The following GRID2 variants were observed in gnomAD, a reference collection of about 807,000 sequenced individuals.
GRID2 encodes glutamate ionotropic receptor delta type subunit 2.
GRID2 carries 33 observed loss-of-function variants against 114.8 expected under a neutral mutation model. That is an observed-to-expected ratio of 0.29 (90% CI 0.22 to 0.38). The LOEUF (loss-of-function observed/expected upper bound fraction) is 0.38, where lower values mean the gene tolerates loss of function less well. Ranked by LOEUF, GRID2 falls within the 10% of genes least tolerant of loss-of-function variation. The pLI is 1.00. For synonymous variants in GRID2, 505 were observed against 449.9 expected (o/e 1.12, Z -1.55); for missense variants, 1,184 against 1,257.7 (o/e 0.94, Z 0.89).
At position 92,664,472 on chromosome 4, in the gene GRID2, T is replaced by C. The variant is rs80053024; in HGVS notation, c.244+74186T>C. 5.5e-3 allele frequency among the ~76,000 whole-genome samples: 832 copies of C among 151,254 alleles called. 17 individuals carry two copies. The South Asian group carries it at 0.066, about 12-fold the overall frequency. ...TATGACTTCCATTTAAAAATATATA[T>C]ATATTGGGACTTAGGTCTCATGTGC... is the stretch of plus-strand genomic sequence containing the variant. On this transcript the variant is annotated intron_variant, in intron 2 of 15. Coordinates refer to ENST00000282020, the MANE Select transcript of GRID2 (RefSeq NM_001510.4).
intron 2 of GRID2, among the ~76,000 whole-genome samples, chr4:92,920,895 G>A (rs1457215639): frequency 6.6e-6 from 1 of 152,104 alleles, no homozygotes; most frequent in Admixed American, 6.5e-5. Context: ...ATGTTGGTCT[G>A]CCTTGCTAGA....
chr4:93,606,558 C>G (rs572662100), intron 13 of GRID2, among the ~76,000 whole-genome samples: 1 of 152,218 alleles, frequency 6.6e-6, no homozygotes, highest in East Asian at 1.9e-4. Context: ...TTTCAGAATC[C>G]ATATGCACAT....
intron 8 of GRID2, among the ~76,000 whole-genome samples, chr4:93,284,171 T>C (rs763061696): frequency 3.3e-5 from 5 of 152,114 alleles, no homozygotes; most frequent in Non-Finnish European, 7.4e-5. Context: ...TATACCTATA[T>C]AATGATAGCT....
intron 1 of GRID2, among the ~76,000 whole-genome samples, chr4:92,374,281 A>T (rs1729254144): frequency 6.6e-6 from 1 of 152,152 alleles, no homozygotes. Context: ...GGTCTCCATA[A>T]TCCTTTATCT....
chr4:92,474,890 C>G (rs1722217509), intron 1 of GRID2, among the ~76,000 whole-genome samples: 1 of 137,772 alleles, frequency 7.3e-6, no homozygotes, highest in Non-Finnish European at 1.5e-5. Context: ...AACCTCTTAT[C>G]AAGTATATAA....
intron 8 of GRID2, among the ~76,000 whole-genome samples, chr4:93,245,591 A>T (rs934545185): frequency 6.6e-6 from 1 of 152,304 alleles, no homozygotes; most frequent in East Asian, 1.9e-4. Context: ...TACTTTTAAG[A>T]TTATTGTCTC....
intron 1 of GRID2, among the ~76,000 whole-genome samples, chr4:92,309,264 G>A (rs1011249835): frequency 6.6e-6 from 1 of 151,746 alleles, no homozygotes; most frequent in African/African-American, 2.4e-5. Flanking sequence ...ATCTTAAAGG[G>A]CCATTGCAAT....
At chr4:93,131,145 A>ATTTT (rs34215461) in intron 4 of GRID2, among the ~76,000 whole-genome samples, 28 of 88,736 alleles carry the variant, frequency 3.2e-4, no homozygotes, top group African/African-American at 7.3e-4. Context: ...AGATTAAATA[A>ATTTT]TTTTTTTTTT....
intron 8 of GRID2, among the ~76,000 whole-genome samples, chr4:93,340,387 T>C (rs1206118926): frequency 6.6e-6 from 1 of 152,006 alleles, no homozygotes; most frequent in Non-Finnish European, 1.5e-5. Flanking sequence ...TTGTTAATCA[T>C]TTAAAATTTC....
chr4:93,209,958 G>T (rs1245129546), intron 5 of GRID2, among the ~76,000 whole-genome samples: 1 of 151,696 alleles, frequency 6.6e-6, no homozygotes, highest in African/African-American at 2.4e-5. Context: ...GTTTGGTTTT[G>T]CTTTAAATTT....
intron 2 of GRID2, among the ~76,000 whole-genome samples, chr4:92,866,279 T>C (rs1169592324): frequency 2.0e-5 from 3 of 152,210 alleles, no homozygotes; most frequent in Non-Finnish European, 4.4e-5. Context: ...TACCCACTTA[T>C]CAGTTGCTTC....
intron 1 of GRID2, among the ~76,000 whole-genome samples, chr4:92,589,070 C>T (rs1728590724): frequency 6.6e-6 from 1 of 152,178 alleles, no homozygotes; most frequent in Non-Finnish European, 1.5e-5. Context: ...CACGCCATTG[C>T]ACTCTAGCCT....
In GRID2 at chr4:93,531,104, G is replaced by A. The variant is rs370588015; in HGVS notation, c.2193+15693G>A. On this transcript the variant is annotated intron_variant, in intron 13 of 15. Coordinates refer to ENST00000282020, the MANE Select transcript of GRID2 (RefSeq NM_001510.4). ...CATGTAGAATTATGTTTCAAGTGTG[G>A]CAAAATGATCAGTTGTATGTATTTG... 2.3e-3 allele frequency among the ~76,000 whole-genome samples: 354 copies of A among 152,184 alleles called. 4 individuals are homozygous for A. The highest frequency in any genetic ancestry group is 7.7e-3 in the African/African-American group (320 of 41,534).
chr4:93,050,776 A>G (rs542074724), intron 2 of GRID2, among the ~76,000 whole-genome samples: 92 of 152,158 alleles, frequency 6.0e-4, no homozygotes, highest in Non-Finnish European at 7.1e-4. Context: ...ATCAAATTGA[A>G]CTGAGCACAA....
intron 14 of GRID2, among the ~76,000 whole-genome samples, chr4:93,720,830 C>T (rs1410547009): frequency 1.3e-5 from 2 of 152,110 alleles, no homozygotes; most frequent in African/African-American, 2.4e-5. Context: ...CTAATAGATA[C>T]CTTCAATGGG....
At chr4:92,345,321 G>C (rs552568546) in intron 1 of GRID2, among the ~76,000 whole-genome samples, 2 of 152,342 alleles carry the variant, frequency 1.3e-5, no homozygotes, top group African/African-American at 4.8e-5. Flanking sequence ...GTATTCCATA[G>C]TGTGTCTATA....
intron 2 of GRID2, among the ~76,000 whole-genome samples, chr4:92,663,658 T>A (rs1732628229): frequency 6.6e-6 from 1 of 151,198 alleles, no homozygotes; most frequent in South Asian, 2.1e-4. Flanking sequence ...GTATAAAATT[T>A]GCCATCTTAT....
chr4:92,936,203 C>G (rs1324409122), intron 2 of GRID2, among the ~76,000 whole-genome samples: 1 of 146,356 alleles, frequency 6.8e-6, no homozygotes, highest in African/African-American at 2.4e-5. Flanking sequence ...ACAAACGAAT[C>G]ATTATGAAAC....
intron 13 of GRID2, among the ~76,000 whole-genome samples, chr4:93,586,081 C>T (rs1737513733): frequency 6.6e-6 from 1 of 152,086 alleles, no homozygotes; most frequent in South Asian, 2.1e-4. Context: ...TGTCTGACCT[C>T]TATATCCAAG....
Sources: gnomAD v4.1 joint callset for allele counts (sites outside exome capture counted in the v4.1 genomes callset) on GRCh38, gnomAD v4.1.1 for gene constraint, MANE v1.5 for transcripts, NCBI Gene and HGNC (gene_info 2026-07-23, HGNC 2026-07-21) for gene names.